TTLL11: variants seen among roughly 807,000 people sequenced by gnomAD.
TTLL11 encodes the protein tubulin polyglutamylase TTLL11.
In TTLL11, 42 loss-of-function variants were observed where a neutral mutation model predicts 51.7. The ratio of observed to expected loss-of-function variants is 0.81; its 90% CI spans 0.64 to 1.05. The LOEUF is 1.05. TTLL11 is among the 50% of genes least tolerant of loss of function. The probability of loss-of-function intolerance (pLI) is 0.00; values close to 1 mark genes in which losing one functional copy is unlikely to be tolerated. For missense variants in TTLL11, 799 were observed against 940.4 expected (o/e 0.85, Z 1.97); for synonymous variants, 381 against 383.5 (o/e 0.99, Z 0.08).
intron 6 of TTLL11, among the ~76,000 whole-genome samples, chr9:121,916,522 G>GA (rs5900503): frequency 0.23 from 34,189 of 151,448 alleles, 5,559 homozygotes; most frequent in African/African-American, 0.45. Flanking sequence ...AAGCAATAAA[G>GA]AAAAAAAAGC....
intron 8 of TTLL11, among the ~76,000 whole-genome samples, chr9:121,844,333 C>T (rs775580350): frequency 3.3e-5 from 5 of 151,996 alleles, no homozygotes; most frequent in African/African-American, 9.7e-5. Context: ...TGGAGGAAAC[C>T]GAAGCTTCTG....
intron 1 of TTLL11, among the ~76,000 whole-genome samples, chr9:122,068,294 T>C (rs1231107791): frequency 6.6e-6 from 1 of 152,182 alleles, no homozygotes; most frequent in East Asian, 1.9e-4. Flanking sequence ...TAGATATGTA[T>C]ACCTCTGGAA....
At chr9:121,987,641 G>A (rs1423837685) in intron 4 of TTLL11, among the ~76,000 whole-genome samples, 1 of 152,102 alleles carries the variant, frequency 6.6e-6, no homozygotes, top group Non-Finnish European at 1.5e-5. Context: ...CTTGCCCGGC[G>A]TCTCAGCAGC....
Position 121,892,201 on chromosome 9 carries a change from TA to T in TTLL11, c.1482-21454del, listed in dbSNP as rs1384335069. On this transcript the variant is annotated intron_variant, in intron 6 of 8. Coordinates refer to ENST00000321582, the MANE Select transcript of TTLL11 (RefSeq NM_001139442.2). ...ATATACACACACATATATATACATA[TA>T]TACATATATACATATATATATATAA... Among the ~76,000 whole-genome samples the T allele has an allele frequency of 5.4e-5, 8 of 148,318 alleles. No individual in the cohort carries two copies. The East Asian group carries it at 1.6e-3, about 29-fold the overall frequency.
intron 8 of TTLL11, among the ~76,000 whole-genome samples, chr9:121,854,664 T>A (rs1309328690): frequency 3.9e-5 from 6 of 152,220 alleles, no homozygotes; most frequent in Non-Finnish European, 8.8e-5. Context: ...CTAATCTTGA[T>A]GCTGTCCTCA....
intron 3 of TTLL11, among the ~76,000 whole-genome samples, chr9:122,031,221 C>T (rs1038938495): frequency 5.9e-5 from 9 of 152,182 alleles, no homozygotes; most frequent in African/African-American, 1.9e-4. Flanking sequence ...CCTGGTGCTT[C>T]GAGATGGAAT....
rs1258379160 is a variant in TTLL11 at position 121,819,795 on chromosome 9, G to A, written c.*2792C>T. ...GAAGGAACCATCTGCTTTTGCTATC[G>A]TTTCAATTACATCCAATAAAACGAG... On this transcript the variant is annotated 3_prime_UTR_variant, in exon 9 of 9. Transcript: ENST00000321582. 6.6e-6 allele frequency among the ~76,000 whole-genome samples: 1 copy of A among 152,186 alleles called. No individual in the cohort carries two copies. Among genetic ancestry groups the A allele is most frequent in the Non-Finnish European group, 1.5e-5 (1 of 68,036 alleles).
chr9:121,871,115 T>A (rs1838342165), intron 6 of TTLL11, among the ~76,000 whole-genome samples: 1 of 152,156 alleles, frequency 6.6e-6, no homozygotes, highest in Admixed American at 6.5e-5. Flanking sequence ...AATATAAAAA[T>A]CTCATTGAGG....
intron 8 of TTLL11, among the ~76,000 whole-genome samples, chr9:121,838,719 G>A (rs1486633144): frequency 2.0e-5 from 3 of 150,858 alleles, no homozygotes; most frequent in Non-Finnish European, 2.9e-5. Context: ...ATTCTGTCAA[G>A]AAAGAAAGAA....
chr9:122,037,547 C>T (rs1844737067), intron 2 of TTLL11, among the ~76,000 whole-genome samples: 1 of 152,126 alleles, frequency 6.6e-6, no homozygotes, highest in Admixed American at 6.5e-5. Flanking sequence ...TTGCTCTAGG[C>T]TTTTCTGAGT....
intron 1 of TTLL11, among the ~76,000 whole-genome samples, chr9:122,084,057 A>ATT (rs1293040105): frequency 6.6e-6 from 1 of 152,214 alleles, no homozygotes. Flanking sequence ...GTTTTTTAAA[A>ATT]TTCCAATAAC....
intron 6 of TTLL11, among the ~76,000 whole-genome samples, chr9:121,877,509 G>A (rs916693107): frequency 3.3e-5 from 5 of 152,054 alleles, no homozygotes; most frequent in Non-Finnish European, 7.4e-5. Context: ...CTAGACCCAC[G>A]TTGAGCCTAT....
At chr9:121,824,684 G>A (rs888750300) in intron 8 of TTLL11, among the ~76,000 whole-genome samples, 1 of 152,046 alleles carries the variant, frequency 6.6e-6, no homozygotes, top group Non-Finnish European at 1.5e-5. Flanking sequence ...TGGAACCCGG[G>A]GATCTAAACC....
intron 6 of TTLL11, among the ~76,000 whole-genome samples, chr9:121,941,537 T>C (rs1222285571): frequency 6.6e-6 from 1 of 152,250 alleles, no homozygotes; most frequent in African/African-American, 2.4e-5. Flanking sequence ...TAATTCATTG[T>C]TTCATTGTCA....
At chr9:121,984,127 G>A (rs925702590) in intron 4 of TTLL11, among the ~76,000 whole-genome samples, 1 of 152,150 alleles carries the variant, frequency 6.6e-6, no homozygotes, top group African/African-American at 2.4e-5. Context: ...TTTCAAGACT[G>A]CAGAGCTCAG....
At chr9:122,052,923 A>T (rs1181753896) in intron 1 of TTLL11, among the ~76,000 whole-genome samples, 1 of 152,250 alleles carries the variant, frequency 6.6e-6, no homozygotes, top group Non-Finnish European at 1.5e-5. Context: ...GTAAAGGTGA[A>T]AACAACCGCA....
chr9:121,896,029 AATGT>A (rs1839507047), intron 6 of TTLL11, among the ~76,000 whole-genome samples: 1 of 111,494 alleles, frequency 9.0e-6, no homozygotes, highest in Non-Finnish European at 1.9e-5. Flanking sequence ...TGTGTGTATG[AATGT>A]GTGGTTGTGT....
In TTLL11 at chr9:122,093,272, G is replaced by A; in HGVS notation, c.-124C>T. On this transcript the variant is annotated 5_prime_UTR_variant, in exon 1 of 9. Transcript: ENST00000321582. The stretch of plus-strand genomic sequence containing the variant: ...CACGCGTTCCCCGCCCGAGCCCGTT[G>A]CCATGATCGCTCAGGCTCGGGTTGA... 2 of 1,552,508 alleles carry A rather than the reference G, an allele frequency of 1.3e-6. No homozygotes were observed. Among genetic ancestry groups the A allele is most frequent in the Non-Finnish European group, 1.7e-6 (2 of 1,159,916 alleles).
chr9:122,020,512 C>G (rs565493688), intron 3 of TTLL11, among the ~76,000 whole-genome samples: 1 of 152,364 alleles, frequency 6.6e-6, no homozygotes, highest in South Asian at 2.1e-4. Flanking sequence ...ATGACTTAAC[C>G]TCTCTGTACT....
Sources: gnomAD v4.1 joint callset for allele counts (sites outside exome capture counted in the v4.1 genomes callset) on GRCh38, gnomAD v4.1.1 for gene constraint, MANE v1.5 for transcripts, NCBI Gene and HGNC (gene_info 2026-07-23, HGNC 2026-07-21) for gene names.